Variants in KSR2 observed in about 807,000 individuals in gnomAD.
KSR2 encodes the protein kinase suppressor of ras 2.
KSR2 carries 25 observed loss-of-function variants against 107.8 expected under a neutral mutation model. That is an observed-to-expected ratio of 0.23 (90% CI 0.17 to 0.32). The LOEUF is 0.32. KSR2 is among the 10% of genes least tolerant of loss of function. The pLI is 1.00. For missense variants in KSR2, 887 were observed against 1,268.9 expected (o/e 0.70, Z 4.57); for synonymous variants, 480 against 507.0 (o/e 0.95, Z 0.71).
chr12:117,715,419 G>A (rs934961103), intron 4 of KSR2, among the ~76,000 whole-genome samples: 4 of 152,206 alleles, frequency 2.6e-5, no homozygotes, highest in Non-Finnish European at 5.9e-5. Flanking sequence ...CAAGAAAGGT[G>A]CCCAAGCACT....
At chr12:117,854,985 G>A (rs926194284) in intron 3 of KSR2, among the ~76,000 whole-genome samples, 6 of 152,088 alleles carry the variant, frequency 3.9e-5, no homozygotes, top group Admixed American at 3.9e-4. Context: ...GTTACCTAGA[G>A]GGTGGAGCTT....
chr12:117,582,041 T>G (rs1040613748), intron 6 of KSR2, among the ~76,000 whole-genome samples: 21 of 152,204 alleles, frequency 1.4e-4, no homozygotes, highest in Admixed American at 1.2e-3. Context: ...CACAGGTCAG[T>G]CTGACTCCAA....
chr12:117,567,722 C>A (rs1206500762), intron 7 of KSR2, among the ~76,000 whole-genome samples: 2 of 151,256 alleles, frequency 1.3e-5, no homozygotes, highest in Non-Finnish European at 2.9e-5. Flanking sequence ...GGGCTTGGTT[C>A]ACTGCATACC....
chr12:117,945,317 A>G (rs1896146729), intron 1 of KSR2, among the ~76,000 whole-genome samples: 1 of 152,202 alleles, frequency 6.6e-6, no homozygotes, highest in South Asian at 2.1e-4. Flanking sequence ...ATCCTGAGTT[A>G]AAAAAGAAAT....
At chr12:117,485,804 G>C in intron 14 of KSR2, 113 bp from the exon 15 acceptor site, 1 of 700,830 alleles carries the variant, frequency 1.4e-6, no homozygotes, top group South Asian at 1.6e-5. Context: ...TGCCACTATT[G>C]TGCTTATGAG....
At chr12:117,795,151 A>G (rs1331266843) in intron 3 of KSR2, among the ~76,000 whole-genome samples, 2 of 152,188 alleles carry the variant, frequency 1.3e-5, no homozygotes, top group African/African-American at 2.4e-5. Context: ...TCATTCTTCC[A>G]GCCTCTGGAA....
At chr12:117,718,296 G>C (rs891543704) in intron 4 of KSR2, among the ~76,000 whole-genome samples, 17 of 152,256 alleles carry the variant, frequency 1.1e-4, no homozygotes, top group Admixed American at 2.0e-4. Context: ...TCATAACAAA[G>C]GCATTTCCTC....
chr12:117,700,660 T>G (rs1164338038), intron 4 of KSR2, among the ~76,000 whole-genome samples: 1 of 152,254 alleles, frequency 6.6e-6, no homozygotes, highest in Non-Finnish European at 1.5e-5. Flanking sequence ...TGCCTCTGTA[T>G]GTGCTTAACT....
intron 3 of KSR2, among the ~76,000 whole-genome samples, chr12:117,766,923 G>GC (rs1202731355): frequency 1.3e-5 from 2 of 151,702 alleles, no homozygotes; most frequent in African/African-American, 2.4e-5. Context: ...TTGCTCTGTC[G>GC]CCCAAGTTGG....
chr12:117,488,270 A>G (rs1359543531), intron 14 of KSR2, among the ~76,000 whole-genome samples: 1 of 152,200 alleles, frequency 6.6e-6, no homozygotes, highest in East Asian at 1.9e-4. Context: ...AAAACGGACT[A>G]ATACAAATCC....
intron 4 of KSR2, among the ~76,000 whole-genome samples, chr12:117,712,963 T>C (rs1886843012): frequency 6.6e-6 from 1 of 151,546 alleles, no homozygotes; most frequent in African/African-American, 2.4e-5. Context: ...TCATCTATAT[T>C]ATTTAAGTAG....
intron 4 of KSR2, among the ~76,000 whole-genome samples, chr12:117,697,716 G>GT (rs1348497558): frequency 6.7e-6 from 1 of 149,806 alleles, no homozygotes; most frequent in Non-Finnish European, 1.5e-5. Context: ...CCCTAGCCTG[G>GT]GCAACAGAGC....
At chr12:117,851,400 G>A (rs969552913) in intron 3 of KSR2, among the ~76,000 whole-genome samples, 9 of 152,248 alleles carry the variant, frequency 5.9e-5, no homozygotes, top group African/African-American at 2.2e-4. Flanking sequence ...ACCAAACTGG[G>A]CAATGACAAG....
Position 117,465,638 on chromosome 12 carries a change from C to T in KSR2, c.*1561G>A, listed in dbSNP as rs1871108833. On this transcript the variant is annotated 3_prime_UTR_variant, in exon 20 of 20. Coordinates refer to ENST00000339824, the MANE Select transcript of KSR2 (RefSeq NM_173598.6). ...AGGTAGGGTTTTTGAAGTTCCAGTTCCTCTCTCTGGCCCTCTAGGAGGGAG... is the reference window on the plus strand; with the variant it reads ...AGGTAGGGTTTTTGAAGTTCCAGTTTCTCTCTCTGGCCCTCTAGGAGGGAG... 1 of 152,210 alleles carries T rather than the reference C, an allele frequency of 6.6e-6. No homozygotes were observed. The highest frequency in any genetic ancestry group is 2.1e-4 in the South Asian group (1 of 4,822). 9.4% of individuals were successfully genotyped at this position (152,210 alleles called of 1,614,324 possible). A position where few individuals can be genotyped will look rare whatever the true frequency, so the allele number is the denominator to read the frequency against.
intron 3 of KSR2, among the ~76,000 whole-genome samples, chr12:117,829,801 G>C (rs1370736521): frequency 6.6e-6 from 1 of 152,148 alleles, no homozygotes; most frequent in Non-Finnish European, 1.5e-5. Flanking sequence ...ACTTTAACTA[G>C]GCAGCCCACT....
In KSR2 at chr12:117,787,420, G is replaced by A. The variant is rs542805730; in HGVS notation, c.473-25896C>T. ...GGCCACGGCGGGCGGATCATCTGAC[G>A]TCAGGAGTTTGAGATGGGCCTGGCC... is the stretch of plus-strand genomic sequence containing the variant. On this transcript the variant is annotated intron_variant, in intron 3 of 19. Coordinates refer to ENST00000339824, the MANE Select transcript of KSR2 (RefSeq NM_173598.6). Among the ~76,000 whole-genome samples the A allele has an allele frequency of 1.6e-3, 247 of 152,232 alleles. 1 individual carries two copies. The highest frequency in any genetic ancestry group is 5.5e-3 in the African/African-American group (228 of 41,546).
chr12:117,950,978 A>G (rs868533449), intron 1 of KSR2, among the ~76,000 whole-genome samples: 3 of 151,654 alleles, frequency 2.0e-5, no homozygotes, highest in Non-Finnish European at 4.4e-5. Context: ...CAGTGGCGCG[A>G]TCTCGACTCA....
intron 1 of KSR2, among the ~76,000 whole-genome samples, chr12:117,863,016 A>G (rs1377586180): frequency 6.6e-6 from 1 of 151,990 alleles, no homozygotes; most frequent in Non-Finnish European, 1.5e-5. Flanking sequence ...GGCGTGAGCC[A>G]CCGCACCCGG....
rs1270933951 is a variant in KSR2, at chr12:117,454,296, G to T, written c.*12903C>A. ...ATTCAAGGAATACTCTGGAGGGGCTGCTGATGCTGAGAAAGTGTTGATGAA... is the reference window on the plus strand; with the variant it reads ...ATTCAAGGAATACTCTGGAGGGGCTTCTGATGCTGAGAAAGTGTTGATGAA... On this transcript the variant is annotated 3_prime_UTR_variant, in exon 20 of 20. Coordinates refer to ENST00000339824, the MANE Select transcript of KSR2 (RefSeq NM_173598.6). 6.7e-6 allele frequency: 1 copy of T among 149,598 alleles called. No individual in the cohort carries two copies. Among genetic ancestry groups the T allele is most frequent in the African/African-American group, 2.6e-5 (1 of 38,974 alleles). 9.3% of individuals were successfully genotyped at this position (149,598 alleles called of 1,614,324 possible).
Sources: gnomAD v4.1 joint callset for allele counts (sites outside exome capture counted in the v4.1 genomes callset) on GRCh38, gnomAD v4.1.1 for gene constraint, MANE v1.5 for transcripts, NCBI Gene and HGNC (gene_info 2026-07-23, HGNC 2026-07-21) for gene names.